CALN1: variants seen among roughly 807,000 people sequenced by gnomAD.
CALN1 encodes calneuron 1.
In CALN1, 17 loss-of-function variants were observed where a neutral mutation model predicts 30.6. The ratio of observed to expected loss-of-function variants is 0.56; its 90% CI spans 0.38 to 0.83. The LOEUF is 0.83. Among genes scored for constraint, CALN1 ranks in the 40% least tolerant of loss-of-function variants. The probability of loss-of-function intolerance (pLI) is 0.00; values close to 1 mark genes in which losing one functional copy is unlikely to be tolerated. For synonymous variants in CALN1, 156 were observed against 131.4 expected, an observed-to-expected ratio of 1.19 and a Z score of -1.28; for missense variants, 291 against 354.9, an observed-to-expected ratio of 0.82 and a Z score of 1.45.
chr7:72,199,615 C>G (rs1791279030), intron 3 of CALN1, among the ~76,000 whole-genome samples: 2 of 152,180 alleles, frequency 1.3e-5, no homozygotes, highest in South Asian at 4.1e-4. Context: ...ATTCAGAAGG[C>G]TGAAGCAAAA....
intron 2 of CALN1, among the ~76,000 whole-genome samples, chr7:72,280,432 T>C (rs1167611609): frequency 6.6e-6 from 1 of 152,202 alleles, no homozygotes; most frequent in African/African-American, 2.4e-5. Flanking sequence ...TTATAAGAGG[T>C]ACATCTTCAG....
At chr7:72,412,643 G>A (rs1807259398), upstream of CALN1, among the ~76,000 whole-genome samples, 1 of 152,220 alleles carries the variant, frequency 6.6e-6, no homozygotes, top group Non-Finnish European at 1.5e-5. Flanking sequence ...CACTGCTGGA[G>A]GAGCAGCCCC....
chr7:72,304,622 G>A (rs752072997), intron 2 of CALN1, among the ~76,000 whole-genome samples: 2 of 152,028 alleles, frequency 1.3e-5, no homozygotes, highest in Admixed American at 6.5e-5. Context: ...TCTCTTTTAC[G>A]TCTATCTACT....
chr7:71,986,891 A>T (rs1411425278), intron 5 of CALN1, among the ~76,000 whole-genome samples: 1 of 152,012 alleles, frequency 6.6e-6, no homozygotes, highest in Admixed American at 6.6e-5. Context: ...ACTTTGGGAG[A>T]CTGAGGCAGG....
chr7:71,854,313 C>T (rs564315275), intron 5 of CALN1, among the ~76,000 whole-genome samples: 11 of 150,784 alleles, frequency 7.3e-5, no homozygotes, highest in African/African-American at 2.4e-4. Flanking sequence ...ATTCCAGCCT[C>T]GGTGACAGAG....
intron 2 of CALN1, among the ~76,000 whole-genome samples, chr7:72,385,425 A>G (rs867518093): frequency 3.5e-4 from 53 of 152,306 alleles, no homozygotes; most frequent in African/African-American, 1.2e-3. Flanking sequence ...TGAACGGATA[A>G]CAAACTGTGG....
intron 6 of CALN1, among the ~76,000 whole-genome samples, chr7:71,802,232 C>A (rs1787353220): frequency 6.6e-6 from 1 of 152,144 alleles, no homozygotes; most frequent in Admixed American, 6.6e-5. Context: ...GATTCAACCA[C>A]AAAGACCACT....
intron 5 of CALN1, among the ~76,000 whole-genome samples, chr7:72,021,989 C>A (rs2129530119): frequency 6.6e-6 from 1 of 152,292 alleles, no homozygotes; most frequent in South Asian, 2.1e-4. Context: ...GCCCTAAATC[C>A]ATTCTGCCAG....
intron 1 of CALN1, among the ~76,000 whole-genome samples, chr7:72,409,162 A>AT (rs1806926282): frequency 6.6e-6 from 1 of 151,466 alleles, no homozygotes; most frequent in Non-Finnish European, 1.5e-5. Context: ...CTCCTGGCTA[A>AT]TTTTTGCATT....
intron 3 of CALN1, among the ~76,000 whole-genome samples, chr7:72,193,105 T>C (rs1427602265): frequency 3.3e-5 from 5 of 151,742 alleles, no homozygotes; most frequent in Non-Finnish European, 7.4e-5. Flanking sequence ...GGAGAACCGC[T>C]TGAACACAGG....
intron 1 of CALN1, among the ~76,000 whole-genome samples, chr7:72,411,815 G>A (rs989064156): frequency 4.6e-5 from 7 of 151,038 alleles, no homozygotes; most frequent in Non-Finnish European, 5.9e-5. Flanking sequence ...AATAAGAAAA[G>A]AACCAAACAA....
chr7:72,485,037 C>CAAATAATGCACAGCCTCTCT, the CALN1 span, among the ~76,000 whole-genome samples: 1 of 152,096 alleles, frequency 6.6e-6, no homozygotes, highest in Non-Finnish European at 1.5e-5. Context: ...GGCAGACAGA[C>CAAATAATGCACAGCCTCTCT]AAATAATGCA....
chr7:72,410,210 A>C (rs1439487262), intron 1 of CALN1, among the ~76,000 whole-genome samples: 1 of 152,202 alleles, frequency 6.6e-6, no homozygotes, highest in Non-Finnish European at 1.5e-5. Context: ...GAGCTCTTAA[A>C]TATGTAAGAG....
At chr7:72,184,730 T>C (rs1257295457) in intron 3 of CALN1, among the ~76,000 whole-genome samples, 9 of 152,178 alleles carry the variant, frequency 5.9e-5, no homozygotes, top group African/African-American at 2.2e-4. Context: ...GCCTCAGGAA[T>C]TACCTGAGTA....
the CALN1 span, among the ~76,000 whole-genome samples, chr7:72,492,597 C>T: frequency 6.6e-6 from 1 of 152,248 alleles, no homozygotes; most frequent in African/African-American, 2.4e-5. Context: ...CACAGACCTC[C>T]AGCTAATGCC....
At chr7:72,203,697 G>A (rs1328546577) in intron 3 of CALN1, among the ~76,000 whole-genome samples, 4 of 152,172 alleles carry the variant, frequency 2.6e-5, no homozygotes, top group Admixed American at 2.0e-4. Flanking sequence ...GATGCTGTAC[G>A]AAAATTAATA....
At position 72,125,896 on chromosome 7, in the gene CALN1, G is replaced by A. The variant is rs573497652; in HGVS notation, c.245-19602C>T. ...AGCTCACTGCAAACCACCACCTCCC[G>A]GGTTCAAGCGATTCTCCTCCCTCAG... On this transcript the variant is annotated intron_variant, in intron 3 of 6. Transcript: ENST00000395275. Among the ~76,000 whole-genome samples, 10 of 145,060 alleles carry A rather than the reference G, an allele frequency of 6.9e-5. No individual in the cohort carries two copies. In the East Asian group the frequency reaches 8.0e-4, roughly 12 times the overall value.
rs184032421 is a variant in CALN1 at position 72,379,077 on chromosome 7, A to G, written c.119+24174T>C. Reference sequence around the variant, plus strand: ...TTGTGTTGGATTATCCTTTTTATATAATATTTTTTCATTTGTCAAAATTTT... The same window carrying G: ...TTGTGTTGGATTATCCTTTTTATATGATATTTTTTCATTTGTCAAAATTTT... On this transcript the variant is annotated intron_variant, in intron 2 of 6. Transcript: ENST00000395275. Among the ~76,000 whole-genome samples the G allele has an allele frequency of 2.6e-5, 4 of 152,278 alleles. No homozygotes were observed. In the East Asian group the frequency reaches 5.8e-4, roughly 22 times the overall value.
chr7:72,366,324 C>T (rs1803876006), intron 2 of CALN1, among the ~76,000 whole-genome samples: 1 of 152,074 alleles, frequency 6.6e-6, no homozygotes, highest in Admixed American at 6.6e-5. Context: ...CAGGTGCACA[C>T]ACCACCATGC....
Sources: allele counts gnomAD v4.1 joint callset (sites outside exome capture counted in the v4.1 genomes callset), GRCh38; gene constraint gnomAD v4.1.1; transcripts MANE v1.5; gene names NCBI Gene and HGNC (gene_info 2026-07-23, HGNC 2026-07-21).